Variants in B3GALT1 observed in about 807,000 individuals in gnomAD.
B3GALT1 encodes beta-1,3-galactosyltransferase 1.
In B3GALT1, 10 loss-of-function variants were observed where a neutral mutation model predicts 23.2. That is an observed-to-expected ratio of 0.43 (90% confidence interval 0.27 to 0.73). The LOEUF (loss-of-function observed/expected upper bound fraction) is 0.73, where lower values mean the gene tolerates loss of function less well. Ranked by LOEUF, B3GALT1 falls within the 30% of genes least tolerant of loss-of-function variation. The probability of loss-of-function intolerance (pLI) is 0.21; values close to 1 mark genes in which losing one functional copy is unlikely to be tolerated. For synonymous variants in B3GALT1, 156 were observed against 141.5 expected, an observed-to-expected ratio of 1.10 and a Z score of -0.73; for missense variants, 299 against 405.4, an observed-to-expected ratio of 0.74 and a Z score of 2.25.
chr2:167,586,703 T>TAGC (rs1437858584), intron 2 of B3GALT1, among the ~76,000 whole-genome samples: 1 of 152,180 alleles, frequency 6.6e-6, no homozygotes, highest in African/African-American at 2.4e-5. Flanking sequence ...CACATAGAAT[T>TAGC]AAAGTGTCGG....
chr2:167,441,859 GT>G (rs1275898445), intron 1 of B3GALT1, among the ~76,000 whole-genome samples: 204 of 142,080 alleles, frequency 1.4e-3, no homozygotes, highest in Middle Eastern at 7.2e-3. Flanking sequence ...AAGATCCCAT[GT>G]TTTTTTTTTT....
chr2:167,426,767 A>T (rs994792103), intron 1 of B3GALT1, among the ~76,000 whole-genome samples: 1 of 152,238 alleles, frequency 6.6e-6, no homozygotes, highest in Non-Finnish European at 1.5e-5. Flanking sequence ...TGCACTGCCG[A>T]TAAGTGTATA....
intron 2 of B3GALT1, among the ~76,000 whole-genome samples, chr2:167,599,081 C>T (rs1684830345): frequency 6.6e-6 from 1 of 152,154 alleles, no homozygotes; most frequent in Non-Finnish European, 1.5e-5. Context: ...AGAGTGGTTG[C>T]TCAAGGTGAG....
chr2:167,563,525 G>A (rs866867844), intron 2 of B3GALT1, among the ~76,000 whole-genome samples: 51 of 266 alleles, frequency 0.19, 2 homozygotes, highest in South Asian at 0.5. Flanking sequence ...GGGGCGGCTG[G>A]CGGCGGGGGG....
At chr2:167,368,926 T>C (rs907591083) in intron 1 of B3GALT1, among the ~76,000 whole-genome samples, 1 of 151,774 alleles carries the variant, frequency 6.6e-6, no homozygotes, top group Non-Finnish European at 1.5e-5. Flanking sequence ...AGATAGTAGA[T>C]GGGATGTAAT....
At chr2:167,707,829 G>A (rs545895714) in intron 3 of B3GALT1, among the ~76,000 whole-genome samples, 9 of 152,242 alleles carry the variant, frequency 5.9e-5, no homozygotes, top group South Asian at 2.1e-4. Context: ...ATCACAACAC[G>A]TAAGGGCAAG....
At chr2:167,600,164 TTCAAAA>T (rs1684849909) in intron 2 of B3GALT1, among the ~76,000 whole-genome samples, 1 of 152,112 alleles carries the variant, frequency 6.6e-6, no homozygotes, top group Non-Finnish European at 1.5e-5. Flanking sequence ...TGAAATGACC[TTCAAAA>T]TCAAATTAGG....
chr2:167,324,027 G>C (rs766629771), intron 1 of B3GALT1, among the ~76,000 whole-genome samples: 3 of 151,972 alleles, frequency 2.0e-5, no homozygotes, highest in Non-Finnish European at 2.9e-5. Context: ...GGCCACAGTC[G>C]TCTTGATGGT....
At chr2:167,293,782 A>G (rs1696298430) in intron 1 of B3GALT1, among the ~76,000 whole-genome samples, 1 of 152,060 alleles carries the variant, frequency 6.6e-6, no homozygotes, top group South Asian at 2.1e-4. Context: ...CGGTGATTAA[A>G]AGGAGCTGTG....
chr2:167,497,713 C>G (rs181539301), intron 2 of B3GALT1, among the ~76,000 whole-genome samples: 2 of 151,892 alleles, frequency 1.3e-5, no homozygotes, highest in Admixed American at 1.3e-4. Flanking sequence ...AAAGGAGACT[C>G]TGAGGTGACA....
intron 3 of B3GALT1, among the ~76,000 whole-genome samples, chr2:167,692,837 G>A (rs980984394): frequency 5.3e-5 from 8 of 151,946 alleles, no homozygotes; most frequent in African/African-American, 1.9e-4. Flanking sequence ...CTGGGGCTCT[G>A]CTATTTTAAC....
intron 2 of B3GALT1, among the ~76,000 whole-genome samples, chr2:167,526,678 G>A (rs73024096): frequency 6.6e-6 from 1 of 152,136 alleles, no homozygotes; most frequent in Non-Finnish European, 1.5e-5. Context: ...AGTGCTTACA[G>A]AAATGTAATT....
chr2:167,561,786 A>G (rs1684000229), intron 2 of B3GALT1, among the ~76,000 whole-genome samples: 1 of 152,214 alleles, frequency 6.6e-6, no homozygotes, highest in Non-Finnish European at 1.5e-5. Flanking sequence ...TAGACCAATA[A>G]CAGGATCTGA....
At chr2:167,781,932 G>A (rs191357682) in intron 3 of B3GALT1, among the ~76,000 whole-genome samples, 17 of 152,152 alleles carry the variant, frequency 1.1e-4, no homozygotes, top group Non-Finnish European at 2.2e-4. Context: ...TAATAGAAAC[G>A]GGGTTTCACC....
At chr2:167,575,555 A>C (rs1684367093) in intron 2 of B3GALT1, among the ~76,000 whole-genome samples, 1 of 151,830 alleles carries the variant, frequency 6.6e-6, no homozygotes, top group African/African-American at 2.4e-5. Flanking sequence ...CTCTTCATAC[A>C]GTGGATCAAC....
chr2:167,479,423 T>C (rs140110212), intron 1 of B3GALT1, among the ~76,000 whole-genome samples: 18 of 152,330 alleles, frequency 1.2e-4, no homozygotes, highest in Non-Finnish European at 2.4e-4. Context: ...CCCTGTTAGT[T>C]ACTATTTGAT....
intron 3 of B3GALT1, among the ~76,000 whole-genome samples, chr2:167,693,769 C>G (rs1042061694): frequency 6.6e-6 from 1 of 152,086 alleles, no homozygotes; most frequent in African/African-American, 2.4e-5. Flanking sequence ...CCCTGTTCTT[C>G]TATAACACTC....
chr2:167,351,135 G>A (rs1452844265), intron 1 of B3GALT1, among the ~76,000 whole-genome samples: 1 of 152,068 alleles, frequency 6.6e-6, no homozygotes, highest in African/African-American at 2.4e-5. Context: ...TGGGCATGGT[G>A]GCGGGTGCCT....
In B3GALT1 at chr2:167,585,493, C is replaced by T. The variant is rs1300610146; in HGVS notation, c.-409-61416C>T. Among the ~76,000 whole-genome samples the T allele has an allele frequency of 2.6e-5, 4 of 152,104 alleles. No homozygotes were observed. The East Asian group carries it at 7.7e-4, about 29-fold the overall frequency. ...TCATTGGGGAATTACAAATTAAATC[C>T]AAATTAGATATAACTACACACCCAC... On this transcript the variant is annotated intron_variant, in intron 2 of 4. Coordinates refer to ENST00000392690, the MANE Select transcript of B3GALT1 (RefSeq NM_020981.4).
Sources: gnomAD v4.1 joint callset for allele counts (sites outside exome capture counted in the v4.1 genomes callset) on GRCh38, gnomAD v4.1.1 for gene constraint, MANE v1.5 for transcripts, NCBI Gene and HGNC (gene_info 2026-07-23, HGNC 2026-07-21) for gene names.